The following ESRRG variants were observed in gnomAD, a reference collection of about 807,000 sequenced individuals.
ESRRG encodes estrogen-related receptor gamma.
A neutral mutation model predicts 44.0 loss-of-function variants in ESRRG; 13 were observed. The observed-to-expected ratio is 0.30, with a 90% CI of 0.19 to 0.47. ESRRG has a LOEUF of 0.47. Among genes scored for constraint, ESRRG ranks in the 20% least tolerant of loss-of-function variants. ESRRG has a pLI of 1.00. For missense variants in ESRRG, 395 were observed against 580.6 expected, an observed-to-expected ratio of 0.68 and a Z score of 3.29; for synonymous variants, 215 against 214.6, an observed-to-expected ratio of 1.00 and a Z score of -0.02.
At chr1:216,632,159 A>T (rs2064335819) in intron 3 of ESRRG, among the ~76,000 whole-genome samples, 1 of 152,204 alleles carries the variant, frequency 6.6e-6, no homozygotes, top group African/African-American at 2.4e-5. Context: ...ATATTAAACT[A>T]TATATCAAAA....
intron 1 of ESRRG, among the ~76,000 whole-genome samples, chr1:217,075,617 C>G (rs891409413): frequency 7.0e-5 from 10 of 142,454 alleles, no homozygotes; most frequent in African/African-American, 2.5e-4. Context: ...TTACTAGAGT[C>G]TATTCTTTTA....
intron 2 of ESRRG, among the ~76,000 whole-genome samples, chr1:216,850,325 A>C (rs1026737364): frequency 6.6e-6 from 1 of 152,100 alleles, no homozygotes; most frequent in African/African-American, 2.4e-5. Context: ...AATGCCACCT[A>C]TTATGTTTCC....
chr1:217,050,946 G>C (rs1454633826), intron 1 of ESRRG, among the ~76,000 whole-genome samples: 2 of 151,960 alleles, frequency 1.3e-5, no homozygotes, highest in African/African-American at 4.8e-5. Flanking sequence ...TGGCCATTCA[G>C]GTTAGAAATA....
At chr1:216,925,819 G>A (rs1472173401) in intron 2 of ESRRG, among the ~76,000 whole-genome samples, 2 of 151,938 alleles carry the variant, frequency 1.3e-5, no homozygotes, top group Non-Finnish European at 2.9e-5. Context: ...GCGTGGTGGT[G>A]TACTCCTGTA....
At chr1:216,546,552 C>T (rs968829582) in intron 5 of ESRRG, among the ~76,000 whole-genome samples, 1 of 151,952 alleles carries the variant, frequency 6.6e-6, no homozygotes, top group Non-Finnish European at 1.5e-5. Flanking sequence ...ACAAGAGGAT[C>T]GGCATTTTCA....
chr1:216,723,186 C>T, intron 1 of ESRRG, 58 bp downstream of exon 1: 1 of 1,396,314 alleles, frequency 7.2e-7, no homozygotes, highest in African/African-American at 1.4e-5. Context: ...ATAGTCTGTC[C>T]GCCCCCACCC....
intron 2 of ESRRG, among the ~76,000 whole-genome samples, chr1:216,766,396 T>C (rs1350005592): frequency 6.6e-6 from 1 of 151,944 alleles, no homozygotes; most frequent in Non-Finnish European, 1.5e-5. Flanking sequence ...TCCCTGACTT[T>C]TCCTTGATTC....
chr1:217,087,095 T>A (rs947886815), intron 1 of ESRRG, among the ~76,000 whole-genome samples: 57 of 152,316 alleles, frequency 3.7e-4, no homozygotes, highest in African/African-American at 1.3e-3. Context: ...GTGCATAGCA[T>A]GTCTGTGCAG....
Position 216,883,386 on chromosome 1 carries a change from G to GA in ESRRG, c.-14+56195dup, listed in dbSNP as rs11318094. On this transcript the variant is annotated intron_variant, in intron 2 of 7. Coordinates refer to the ESRRG transcript ENST00000359162. ...GGGGACAAGAGCGAGACTTCTCTGA[G>GA]AAAAAAAAAAAAAAAAAAAAAAAAA... is the stretch of plus-strand genomic sequence containing the variant. Among the ~76,000 whole-genome samples the GA allele has an allele frequency of 9.7e-3, 734 of 75,846 alleles. 24 individuals are homozygous for GA. The highest frequency in any genetic ancestry group is 0.015 in the African/African-American group (346 of 23,238). The allele number at this position is 75,846 out of a possible 152,430, so 49.8% of individuals were successfully genotyped here. A position where few individuals can be genotyped will look rare whatever the true frequency, so the allele number is the denominator to read the frequency against.
chr1:216,600,440 G>C (rs1573873137), intron 3 of ESRRG, among the ~76,000 whole-genome samples: 1 of 152,130 alleles, frequency 6.6e-6, no homozygotes, highest in Non-Finnish European at 1.5e-5. Context: ...ATGGATGAAG[G>C]GGGGCGGGTC....
At chr1:217,116,412 G>A (rs1328358467) in intron 1 of ESRRG, among the ~76,000 whole-genome samples, 2 of 152,138 alleles carry the variant, frequency 1.3e-5, no homozygotes, top group African/African-American at 4.8e-5. Context: ...TTAGACTTAT[G>A]GGCGACGTTT....
At chr1:216,664,623 C>A (rs12071221) in intron 2 of ESRRG, among the ~76,000 whole-genome samples, 1 of 146,784 alleles carries the variant, frequency 6.8e-6, no homozygotes, top group Non-Finnish European at 1.5e-5. Flanking sequence ...ATAAATTTGG[C>A]ATATCTATAA....
chr1:216,675,587 G>A (rs1163282359), intron 2 of ESRRG, among the ~76,000 whole-genome samples: 1 of 152,190 alleles, frequency 6.6e-6, no homozygotes, highest in Non-Finnish European at 1.5e-5. Flanking sequence ...ATGGTCAGTG[G>A]TGAATCAGCA....
chr1:217,075,943 G>A (rs890101146), intron 1 of ESRRG, among the ~76,000 whole-genome samples: 3 of 152,048 alleles, frequency 2.0e-5, no homozygotes, highest in African/African-American at 7.2e-5. Flanking sequence ...TACAGTAGAG[G>A]TATTAATAGA....
chr1:217,082,052 G>A (rs2091804243), intron 1 of ESRRG, among the ~76,000 whole-genome samples: 1 of 152,200 alleles, frequency 6.6e-6, no homozygotes, highest in Non-Finnish European at 1.5e-5. Flanking sequence ...CGTGAGAATT[G>A]TCAGTCTCAC....
intron 5 of ESRRG, among the ~76,000 whole-genome samples, chr1:216,559,768 C>A (rs1175864236): frequency 6.6e-6 from 1 of 152,082 alleles, no homozygotes; most frequent in East Asian, 1.9e-4. Flanking sequence ...AATGAAACCT[C>A]CATAATTTTG....
intron 1 of ESRRG, among the ~76,000 whole-genome samples, chr1:216,989,591 A>T (rs1329610578): frequency 6.6e-6 from 1 of 152,180 alleles, no homozygotes; most frequent in East Asian, 1.9e-4. Context: ...ATGGATGTAC[A>T]TGTGTGTATT....
At chr1:216,966,305 T>C (rs2070365640) in intron 1 of ESRRG, among the ~76,000 whole-genome samples, 1 of 152,194 alleles carries the variant, frequency 6.6e-6, no homozygotes, top group Non-Finnish European at 1.5e-5. Context: ...TATCCATTCA[T>C]TCTGCTTCAG....
rs71163765 is a variant in ESRRG, at chr1:216,775,551, C to CTTT, written c.-13-98063_-13-98061dup. 1.3e-3 allele frequency among the ~76,000 whole-genome samples: 100 copies of CTTT among 74,818 alleles called. 19 individuals carry two copies. Among genetic ancestry groups the CTTT allele is most frequent in the Non-Finnish European group, 1.7e-3 (59 of 35,278 alleles). 49.1% of individuals were successfully genotyped at this position (74,818 alleles called of 152,430 possible). A position where few individuals can be genotyped will look rare whatever the true frequency, so the allele number is the denominator to read the frequency against. ...TTCCCACCTAAATAAAATGTCACAT[C>CTTT]TTTTTTTTTTTTTTTTTTTTTTTTT... is the stretch of plus-strand genomic sequence containing the variant. On this transcript the variant is annotated intron_variant, in intron 2 of 7. Transcript: ENST00000359162.
Sources: gnomAD v4.1 joint callset for allele counts (sites outside exome capture counted in the v4.1 genomes callset) on GRCh38, gnomAD v4.1.1 for gene constraint, MANE v1.5 for transcripts, NCBI Gene and HGNC (gene_info 2026-07-23, HGNC 2026-07-21) for gene names.